Variants in PRH1 observed in about 807,000 individuals in gnomAD.
PRH1 encodes proline rich protein HaeIII subfamily 1, also known as salivary acidic proline-rich phosphoprotein 1/2.
PRH1 carries 7 observed loss-of-function variants against 7.9 expected under a neutral mutation model. The observed-to-expected ratio is 0.89, with a 90% CI of 0.50 to 1.67. The LOEUF is 1.67. PRH1 is among the 40% of genes most tolerant of loss of function. The pLI, the probability that PRH1 is intolerant of heterozygous loss-of-function variation, is 0.00. For synonymous variants in PRH1, 45 were observed against 80.8 expected, an observed-to-expected ratio of 0.56 and a Z score of 2.38; for missense variants, 109 against 223.6, an observed-to-expected ratio of 0.49 and a Z score of 3.27.
chr12:10,992,814 G>A (rs1442469841), intron 1 of PRH1, among the ~76,000 whole-genome samples: 3 of 152,186 alleles, frequency 2.0e-5, no homozygotes, highest in Non-Finnish European at 4.4e-5. Context: ...CTTCCAGAAT[G>A]TTAAATGAAA....
chr12:11,161,981 T>G (rs79541368), intron 1 of PRH1, among the ~76,000 whole-genome samples: 2,294 of 152,312 alleles, frequency 0.015, 58 homozygotes, highest in African/African-American at 0.052. Flanking sequence ...GATATTGCAT[T>G]TGTCAAATAA....
intron 2 of PRH1, among the ~76,000 whole-genome samples, chr12:10,925,221 C>T (rs139332228): frequency 0.012 from 1,754 of 152,232 alleles, 18 homozygotes; most frequent in South Asian, 0.031. Context: ...GGTCATGAGA[C>T]CATGAGCTCA....
chr12:10,928,407 T>C (rs554213745), intron 2 of PRH1, among the ~76,000 whole-genome samples: 38 of 152,350 alleles, frequency 2.5e-4, no homozygotes, highest in African/African-American at 7.9e-4. Context: ...TTCTATAGAA[T>C]ATTCTGGAGA....
chr12:10,949,766 C>T (rs941028348), intron 2 of PRH1, among the ~76,000 whole-genome samples: 1 of 152,064 alleles, frequency 6.6e-6, no homozygotes, highest in African/African-American at 2.4e-5. Context: ...ATGTTTACTA[C>T]ATCTTGGCCA....
At chr12:11,081,229 T>A (rs76445424) in intron 1 of PRH1, among the ~76,000 whole-genome samples, 45,149 of 97,676 alleles carry the variant, frequency 0.46, 7,751 homozygotes, top group Non-Finnish European at 0.56. Flanking sequence ...CTAATTCACT[T>A]ATTCTCTCTT....
At chr12:11,018,166 T>C (rs953857928) in intron 1 of PRH1, among the ~76,000 whole-genome samples, 2 of 151,834 alleles carry the variant, frequency 1.3e-5, no homozygotes, top group African/African-American at 2.4e-5. Context: ...CCTGTCTCCA[T>C]CAAGCCCGTA....
upstream of PRH1, among the ~76,000 whole-genome samples, chr12:10,887,281 C>T (rs559065837): frequency 1.3e-5 from 2 of 152,172 alleles, no homozygotes; most frequent in South Asian, 4.2e-4. Flanking sequence ...TTCATTGGGT[C>T]GCTGTGGTCT....
At chr12:10,927,438 G>T (rs1194860994) in intron 2 of PRH1, among the ~76,000 whole-genome samples, 3 of 152,188 alleles carry the variant, frequency 2.0e-5, no homozygotes, top group African/African-American at 7.2e-5. Flanking sequence ...CTGTGCCTAA[G>T]ATACAACCCA....
intron 1 of PRH1, chr12:10,997,715 G>C (rs1280673602): frequency 4.3e-6 from 7 of 1,613,864 alleles, no homozygotes; most frequent in Non-Finnish European, 5.1e-6. Context: ...ACCAACTCTG[G>C]AGACTGCCAG....
intron 1 of PRH1, among the ~76,000 whole-genome samples, chr12:11,080,376 C>T (rs796994833): frequency 2.0e-3 from 176 of 89,916 alleles, no homozygotes; most frequent in Admixed American, 2.3e-3. Context: ...TTTATCCATC[C>T]TTATTTGATA....
intron 1 of PRH1, among the ~76,000 whole-genome samples, chr12:11,135,046 GAAT>G (rs1251975382): frequency 2.6e-5 from 4 of 152,032 alleles, no homozygotes; most frequent in African/African-American, 9.7e-5. Context: ...TTCAGCCCAC[GAAT>G]AATGTTTATT....
intron 1 of PRH1, among the ~76,000 whole-genome samples, chr12:11,110,108 T>G (rs1449739011): frequency 1.3e-5 from 2 of 151,782 alleles, no homozygotes; most frequent in Non-Finnish European, 1.5e-5. Flanking sequence ...TGCATGAAGA[T>G]GAGATTAGAG....
chr12:10,993,541 T>C (rs1591781227), intron 1 of PRH1, among the ~76,000 whole-genome samples: 1 of 152,198 alleles, frequency 6.6e-6, no homozygotes, highest in South Asian at 2.1e-4. Context: ...CTAGTCCACA[T>C]GCTGAAACAC....
At chr12:10,903,266 G>A (rs971532894) in intron 2 of PRH1, among the ~76,000 whole-genome samples, 1 of 151,902 alleles carries the variant, frequency 6.6e-6, no homozygotes. Flanking sequence ...ACACAGAAAG[G>A]CACTACATAA....
intron 2 of PRH1, chr12:10,930,283 G>T: frequency 6.2e-7 from 1 of 1,613,388 alleles, no homozygotes; most frequent in Non-Finnish European, 8.5e-7. Context: ...CAGCCAAGAA[G>T]ACGTTCCCTT....
intron 1 of PRH1, among the ~76,000 whole-genome samples, chr12:11,070,196 T>C (rs1274667040): frequency 6.6e-6 from 1 of 152,116 alleles, no homozygotes; most frequent in African/African-American, 2.4e-5. Context: ...ACGCTTAAAA[T>C]TGGTAGTCAG....
chr12:10,993,947 T>G (rs1241567362), intron 1 of PRH1, among the ~76,000 whole-genome samples: 1 of 152,160 alleles, frequency 6.6e-6, no homozygotes, highest in Non-Finnish European at 1.5e-5. Flanking sequence ...GCCCTCTGTC[T>G]CAAAAACAAA....
chr12:10,926,166 G>C (rs1481596010), intron 2 of PRH1, among the ~76,000 whole-genome samples: 1 of 152,190 alleles, frequency 6.6e-6, no homozygotes, highest in Non-Finnish European at 1.5e-5. Flanking sequence ...CAAAGTTGAA[G>C]TCTCAGAGAC....
chr12:11,070,958 T>C (rs1249804292), intron 1 of PRH1, among the ~76,000 whole-genome samples: 4 of 150,492 alleles, frequency 2.7e-5, no homozygotes, highest in Middle Eastern at 3.2e-3. Context: ...CCCATTTTTT[T>C]CTAAGAAAAA....
Sources: allele counts gnomAD v4.1 joint callset (sites outside exome capture counted in the v4.1 genomes callset), GRCh38; gene constraint gnomAD v4.1.1; transcripts MANE v1.5; gene names NCBI Gene and HGNC (gene_info 2026-07-23, HGNC 2026-07-21).